PIK3C2G: variants seen among roughly 807,000 people sequenced by gnomAD.
PIK3C2G encodes the protein phosphatidylinositol 3-kinase C2 domain-containing subunit gamma.
Under a neutral mutation model 181.1 loss-of-function variants are expected in PIK3C2G, and 168 were observed. The observed-to-expected ratio is 0.93, with a 90% CI of 0.82 to 1.05. The LOEUF (loss-of-function observed/expected upper bound fraction) is 1.05. Among genes scored for constraint, PIK3C2G ranks in the 50% least tolerant of loss-of-function variants. The pLI is 0.00. For synonymous variants in PIK3C2G, 573 were observed against 592.2 expected (o/e 0.97, Z 0.47); for missense variants, 1,869 against 1,732.8 (o/e 1.08, Z -1.40).
chr12:18,548,045 T>A (rs12820609), intron 26 of PIK3C2G, among the ~76,000 whole-genome samples: 1 of 151,826 alleles, frequency 6.6e-6, no homozygotes, highest in Admixed American at 6.6e-5. Context: ...AGGAACTTAC[T>A]CCTTCCCCTC....
At chr12:18,566,867 A>G (rs962481644) in intron 28 of PIK3C2G, 82 bp from the exon 29 acceptor site, 3 of 754,350 alleles carry the variant, frequency 4.0e-6, no homozygotes, top group East Asian at 4.9e-5. Context: ...CATCTGATAC[A>G]GCTGTAACTA....
intron 13 of PIK3C2G, among the ~76,000 whole-genome samples, chr12:18,377,272 T>G (rs983789556): frequency 9.2e-5 from 14 of 152,200 alleles, no homozygotes; most frequent in African/African-American, 3.4e-4. Flanking sequence ...CCAGCCCATC[T>G]GTTCTCCTGG....
intron 8 of PIK3C2G, among the ~76,000 whole-genome samples, chr12:18,325,793 T>C (rs1263642794): frequency 6.6e-6 from 1 of 151,402 alleles, no homozygotes; most frequent in Non-Finnish European, 1.5e-5. Context: ...TTGAAATGGC[T>C]GCAGTTAGTG....
the PIK3C2G span, among the ~76,000 whole-genome samples, chr12:18,707,893 A>T: frequency 6.6e-6 from 1 of 152,276 alleles, no homozygotes; most frequent in East Asian, 1.9e-4. Context: ...TATTGTGTAT[A>T]CTTAAGGTAT....
At chr12:18,618,350 A>G (rs531133190) in intron 31 of PIK3C2G, among the ~76,000 whole-genome samples, 1 of 152,294 alleles carries the variant, frequency 6.6e-6, no homozygotes, top group South Asian at 2.1e-4. Context: ...TCTCAGCCTA[A>G]TCCCTGAGCT....
At chr12:18,662,370 T>G in the PIK3C2G span, among the ~76,000 whole-genome samples, 1 of 151,888 alleles carries the variant, frequency 6.6e-6, no homozygotes. Context: ...AAGAAATTAA[T>G]AAATGAGGGA....
intron 16 of PIK3C2G, among the ~76,000 whole-genome samples, chr12:18,405,363 G>T (rs1212910038): frequency 2.0e-5 from 3 of 152,008 alleles, no homozygotes; most frequent in African/African-American, 4.8e-5. Context: ...ATAGAAAGAG[G>T]CCAGAGATGG....
At chr12:18,421,741 G>T (rs1011592722) in intron 17 of PIK3C2G, among the ~76,000 whole-genome samples, 1 of 150,080 alleles carries the variant, frequency 6.7e-6, no homozygotes, top group African/African-American at 2.4e-5. Flanking sequence ...TTTATGCTTT[G>T]TTTTGTTTTT....
At chr12:18,459,193 A>G (rs1053386525) in intron 18 of PIK3C2G, among the ~76,000 whole-genome samples, 1 of 152,198 alleles carries the variant, frequency 6.6e-6, no homozygotes, top group African/African-American at 2.4e-5. Context: ...ATCATAAGTT[A>G]AAATTTTTTA....
chr12:18,296,253 A>C (rs1467082667), intron 5 of PIK3C2G, among the ~76,000 whole-genome samples: 2 of 152,114 alleles, frequency 1.3e-5, no homozygotes, highest in African/African-American at 4.8e-5. Flanking sequence ...TGCATATAGA[A>C]ATTTCAAAAT....
chr12:18,681,891 G>A, the PIK3C2G span, among the ~76,000 whole-genome samples: 569 of 152,066 alleles, frequency 3.7e-3, 3 homozygotes, highest in African/African-American at 0.012. Context: ...CTTGATTAAA[G>A]CCTTTAAATT....
intron 5 of PIK3C2G, among the ~76,000 whole-genome samples, chr12:18,300,891 G>A (rs764838339): frequency 6.6e-6 from 1 of 152,062 alleles, no homozygotes; most frequent in Non-Finnish European, 1.5e-5. Flanking sequence ...TGGTTTAGTG[G>A]TGATGAATTC....
At chr12:18,391,639 G>A (rs546427245) in intron 15 of PIK3C2G, among the ~76,000 whole-genome samples, 1 of 152,224 alleles carries the variant, frequency 6.6e-6, no homozygotes, top group African/African-American at 2.4e-5. Context: ...TTTTTAAAAA[G>A]AGCAGAAAAG....
intron 1 of PIK3C2G, among the ~76,000 whole-genome samples, chr12:18,255,802 G>C (rs1046836383): frequency 6.6e-6 from 1 of 152,208 alleles, no homozygotes; most frequent in Non-Finnish European, 1.5e-5. Flanking sequence ...CAAATATCCA[G>C]GTATACAAGA....
chr12:18,353,354 T>C (rs1565628461), intron 11 of PIK3C2G, among the ~76,000 whole-genome samples: 1 of 152,146 alleles, frequency 6.6e-6, no homozygotes, highest in East Asian at 1.9e-4. Flanking sequence ...TAAGTATGCA[T>C]GGGTCACACA....
the PIK3C2G span, among the ~76,000 whole-genome samples, chr12:18,702,603 T>A: frequency 6.6e-6 from 1 of 152,148 alleles, no homozygotes; most frequent in Admixed American, 6.5e-5. Context: ...ATGACCCTTA[T>A]GATACTCTCC....
intron 5 of PIK3C2G, among the ~76,000 whole-genome samples, chr12:18,311,152 A>G (rs1369526072): frequency 1.3e-5 from 2 of 151,972 alleles, no homozygotes; most frequent in African/African-American, 4.8e-5. Flanking sequence ...ATCTGTTATT[A>G]CCCCAAATCT....
chr12:18,338,671 G>C (rs7484882), intron 9 of PIK3C2G, 123 bp downstream of exon 9: 13 of 345,536 alleles, frequency 3.8e-5, no homozygotes, highest in Non-Finnish European at 4.4e-5. Context: ...ATCTGTGTGT[G>C]TGTGTGTGTG....
At chr12:18,699,141 G>C in the PIK3C2G span, among the ~76,000 whole-genome samples, 1 of 152,142 alleles carries the variant, frequency 6.6e-6, no homozygotes, top group African/African-American at 2.4e-5. Context: ...AGAGACAGAT[G>C]GCACCTCTAC....
Sources: gnomAD v4.1 joint callset for allele counts (sites outside exome capture counted in the v4.1 genomes callset) on GRCh38, gnomAD v4.1.1 for gene constraint, MANE v1.5 for transcripts, NCBI Gene and HGNC (gene_info 2026-07-23, HGNC 2026-07-21) for gene names.